The following TRIM33 variants were observed in gnomAD, a reference collection of about 807,000 sequenced individuals.
The protein encoded by TRIM33 is tripartite motif containing 33, also known as E3 ubiquitin-protein ligase TRIM33.
Under a neutral mutation model 125.4 loss-of-function variants are expected in TRIM33, and 20 were observed. The ratio of observed to expected loss-of-function variants is 0.16; its 90% CI spans 0.11 to 0.23. TRIM33 has a LOEUF of 0.23. Among genes scored for constraint, TRIM33 ranks in the 10% least tolerant of loss-of-function variants. The probability of loss-of-function intolerance (pLI) is 1.00; values close to 1 mark genes in which losing one functional copy is unlikely to be tolerated. For missense variants in TRIM33, 920 were observed against 1,411.4 expected (o/e 0.65, Z 5.58); for synonymous variants, 564 against 513.9 (o/e 1.10, Z -1.32).
intron 4 of TRIM33, among the ~76,000 whole-genome samples, chr1:114,436,400 C>CA (rs765728045): frequency 0.076 from 3,045 of 40,228 alleles, 209 homozygotes; most frequent in Non-Finnish European, 0.1. Context: ...GACTCTGTCT[C>CA]AAAAAAAAAA....
chr1:114,481,620 GA>G (rs894190568), intron 1 of TRIM33, among the ~76,000 whole-genome samples: 8 of 144,972 alleles, frequency 5.5e-5, no homozygotes, highest in Admixed American at 2.7e-4. Context: ...CAAAAAAAAA[GA>G]AAAAAAACTA....
chr1:114,399,325 A>C, intron 18 of TRIM33, 132 bp downstream of exon 18: 4 of 717,538 alleles, frequency 5.6e-6, no homozygotes, highest in Non-Finnish European at 8.8e-6. Flanking sequence ...TGTTAATACA[A>C]TCAGATGTTA....
chr1:114,412,440 C>T (rs996621635), intron 11 of TRIM33, among the ~76,000 whole-genome samples: 1 of 152,178 alleles, frequency 6.6e-6, no homozygotes, highest in Non-Finnish European at 1.5e-5. Flanking sequence ...TTCACATAGT[C>T]TACAACTGGG....
At chr1:114,467,080 T>C (rs1650348791) in intron 1 of TRIM33, among the ~76,000 whole-genome samples, 1 of 152,230 alleles carries the variant, frequency 6.6e-6, no homozygotes, top group Non-Finnish European at 1.5e-5. Context: ...TCAACTAACA[T>C]GTCTGTGTCT....
intron 4 of TRIM33, among the ~76,000 whole-genome samples, chr1:114,437,281 A>G (rs1186315032): frequency 6.6e-6 from 1 of 152,228 alleles, no homozygotes; most frequent in Non-Finnish European, 1.5e-5. Flanking sequence ...TGTAGTTTTG[A>G]TTAATACATA....
chr1:114,395,217 G>C lies in TRIM33; in HGVS notation c.*2431C>G, dbSNP rs1274027213. The C allele has an allele frequency of 4.9e-6, 1 of 205,698 alleles. No individual in the cohort carries two copies. The highest frequency in any genetic ancestry group is 9.9e-6 in the Non-Finnish European group (1 of 100,704). The allele number at this position is 205,698 out of a possible 1,614,324, so 12.7% of individuals were successfully genotyped here. On this transcript the variant is annotated 3_prime_UTR_variant, in exon 20 of 20. Coordinates refer to ENST00000358465, the MANE Select transcript of TRIM33 (RefSeq NM_015906.4). ...TACCTTAATTTAATGGTGGTATGTT[G>C]ATAGCTATTAATAGTAATTCCTCAG...
chr1:114,436,924 T>C (rs1191263488), intron 4 of TRIM33, among the ~76,000 whole-genome samples: 1 of 152,208 alleles, frequency 6.6e-6, no homozygotes, highest in African/African-American at 2.4e-5. Flanking sequence ...AATATGAGGA[T>C]TCCATGTTAA....
At chr1:114,446,183 A>T (rs919040621) in intron 4 of TRIM33, among the ~76,000 whole-genome samples, 2 of 152,240 alleles carry the variant, frequency 1.3e-5, no homozygotes, top group African/African-American at 2.4e-5. Context: ...TATGACAAGA[A>T]GATGAGAGTA....
In TRIM33 at chr1:114,487,339, C is replaced by CAA. The variant is rs35231757; in HGVS notation, c.527-22953_527-22952dup. ...ATCTCTCATGTAAAACCATGCAGGCCAAAAAAAAAAAAAAAAAACAACCTG... is the reference window on the plus strand; with the variant it reads ...ATCTCTCATGTAAAACCATGCAGGCCAAAAAAAAAAAAAAAAAAAACAACCTG... On this transcript the variant is annotated intron_variant, in intron 1 of 19. Transcript: ENST00000358465. Among the ~76,000 whole-genome samples the CAA allele has an allele frequency of 1.9e-3, 111 of 58,384 alleles. 2 individuals are homozygous for CAA. The highest frequency in any genetic ancestry group is 0.011 in the Middle Eastern group (1 of 92). 38.3% of individuals were successfully genotyped at this position (58,384 alleles called of 152,430 possible).
chr1:114,486,269 T>G (rs1453638895), intron 1 of TRIM33, among the ~76,000 whole-genome samples: 4 of 150,676 alleles, frequency 2.7e-5, no homozygotes, highest in Non-Finnish European at 5.9e-5. Context: ...GAGTAAGACC[T>G]CATCTTAAAA....
rs1339865628 is a variant in TRIM33, at chr1:114,474,785, AG to A, written c.527-10398del. Among the ~76,000 whole-genome samples, 8 of 151,466 alleles carry A rather than the reference AG, an allele frequency of 5.3e-5. 2 individuals carry two copies. The highest frequency in any genetic ancestry group is 1.7e-4 in the African/African-American group (7 of 41,214). On this transcript the variant is annotated intron_variant, in intron 1 of 19. Transcript: ENST00000358465. The stretch of plus-strand genomic sequence containing the variant: ...CGCATGCCTGTAATCCCAGCTACTC[AG>A]GAGGCTGAGGCAGGAGAATTGCTCG...
intron 4 of TRIM33, among the ~76,000 whole-genome samples, chr1:114,444,042 TC>T (rs1648822714): frequency 6.6e-6 from 1 of 152,104 alleles, no homozygotes; most frequent in African/African-American, 2.4e-5. Context: ...AAATTTACAT[TC>T]CTTTAAAGAG....
chr1:114,409,239 A>G (rs897354478), intron 12 of TRIM33, among the ~76,000 whole-genome samples: 2 of 152,188 alleles, frequency 1.3e-5, no homozygotes, highest in South Asian at 2.1e-4. Context: ...AATACATTCA[A>G]TAACACTTCT....
At chr1:114,459,147 C>T (rs1031080002) in intron 4 of TRIM33, among the ~76,000 whole-genome samples, 1 of 152,162 alleles carries the variant, frequency 6.6e-6, no homozygotes. Flanking sequence ...TGACCAATGG[C>T]TGGGGACTCC....
At chr1:114,463,786 T>G (rs1262766218) in intron 2 of TRIM33, among the ~76,000 whole-genome samples, 1 of 150,350 alleles carries the variant, frequency 6.7e-6, no homozygotes, top group East Asian at 1.9e-4. Context: ...TTTTTTTTTT[T>G]GAGACAGGCT....
chr1:114,481,145 C>T (rs1004355758), intron 1 of TRIM33, among the ~76,000 whole-genome samples: 3 of 151,952 alleles, frequency 2.0e-5, no homozygotes, highest in Non-Finnish European at 4.4e-5. Context: ...TGCACTGCAG[C>T]CTGGGCAACA....
intron 1 of TRIM33, among the ~76,000 whole-genome samples, chr1:114,483,040 C>T (rs969188636): frequency 1.3e-5 from 2 of 152,056 alleles, no homozygotes; most frequent in African/African-American, 4.8e-5. Context: ...TACAAATTAC[C>T]AGCTAGGTAA....
At chr1:114,429,366 T>C (rs889199622) in intron 6 of TRIM33, among the ~76,000 whole-genome samples, 3 of 151,854 alleles carry the variant, frequency 2.0e-5, no homozygotes, top group Admixed American at 6.6e-5. Flanking sequence ...TTTTGTTTTT[T>C]TTTTTTAGTA....
rs941069448 is a variant in TRIM33, at chr1:114,397,435, T to G, written c.*213A>C. On this transcript the variant is annotated 3_prime_UTR_variant, in exon 20 of 20. Coordinates refer to ENST00000358465, the MANE Select transcript of TRIM33 (RefSeq NM_015906.4). ...CACTTTTGCTTTTTGCTTTGAAACT[T>G]GCAAACAGACTTCTCTCCCCCTTTC... The G allele has an allele frequency of 1.8e-6, 1 of 547,042 alleles. No individual in the cohort carries two copies. Among genetic ancestry groups the G allele is most frequent in the Non-Finnish European group, 3.2e-6 (1 of 310,292 alleles). 33.9% of individuals were successfully genotyped at this position (547,042 alleles called of 1,614,324 possible). A position where few individuals can be genotyped will look rare whatever the true frequency, so the allele number is the denominator to read the frequency against.
Sources: allele counts gnomAD v4.1 joint callset (sites outside exome capture counted in the v4.1 genomes callset), GRCh38; gene constraint gnomAD v4.1.1; transcripts MANE v1.5; gene names NCBI Gene and HGNC (gene_info 2026-07-23, HGNC 2026-07-21).